The following FAM199X variants were observed in gnomAD, a reference collection of about 807,000 sequenced individuals.
FAM199X encodes protein FAM199X.
A neutral mutation model predicts 22.9 loss-of-function variants in FAM199X; 4 were observed. The observed-to-expected ratio is 0.17, with a 90% CI of 0.09 to 0.40. FAM199X has a LOEUF of 0.40. Ranked by LOEUF, FAM199X falls within the 10% of genes least tolerant of loss-of-function variation. The pLI, the probability that FAM199X is intolerant of heterozygous loss-of-function variation, is 1.00. For missense variants in FAM199X, 183 were observed against 306.8 expected (o/e 0.60, Z 3.01); for synonymous variants, 101 against 112.3 (o/e 0.90, Z 0.64).
At chrX:104,160,166 G>A in the FAM199X span, among the ~76,000 whole-genome samples, 1 of 112,017 alleles carries the variant, frequency 8.9e-6, no homozygotes, top group South Asian at 3.7e-4. Flanking sequence ...TGTAGGCAGA[G>A]CCATCGTACC....
intron 2 of FAM199X, among the ~76,000 whole-genome samples, chrX:104,178,566 C>T (rs1342331629): frequency 9.0e-6 from 1 of 111,547 alleles, no homozygotes; most frequent in African/African-American, 3.3e-5. Context: ...CAGGCATGCA[C>T]CACTGCACCT....
intron 2 of FAM199X, among the ~76,000 whole-genome samples, chrX:104,181,195 C>G (rs1921643208): frequency 8.9e-6 from 1 of 112,680 alleles, no homozygotes; most frequent in South Asian, 3.6e-4. Context: ...CTGCATTCTG[C>G]AGAAAATATG....
the FAM199X span, chrX:104,157,100 C>G: frequency 9.1e-6 from 1 of 109,638 alleles, no homozygotes; most frequent in Non-Finnish European, 1.9e-5. Flanking sequence ...GTTGGCCGGT[C>G]TGTTTGGGAG....
chrX:104,192,485 G>T lies in FAM199X; in HGVS notation c.*2707G>T, dbSNP rs375126141. The T allele has an allele frequency of 4.1e-4, 46 of 111,470 alleles. No homozygotes were observed. The highest frequency in any genetic ancestry group is 1.3e-3 in the African/African-American group (40 of 30,841). The allele number at this position is 111,470 out of a possible 1,213,427, so 9.2% of individuals were successfully genotyped here. On this transcript the variant is annotated 3_prime_UTR_variant, in exon 6 of 6. Transcript: ENST00000493442. ...CTGAGGGCGTAATACATTTCCCACA[G>T]ATTTATCCAGAAACATTTTATTAGA...
intron 1 of FAM199X, among the ~76,000 whole-genome samples, chrX:104,170,043 A>G (rs1196811487): frequency 8.9e-6 from 1 of 112,385 alleles, no homozygotes; most frequent in Non-Finnish European, 1.9e-5. Context: ...CAAAAAAGTG[A>G]ATGAATTTTT....
In FAM199X at chrX:104,193,535, A is replaced by G. The variant is rs1427324005; in HGVS notation, c.*3757A>G. 1 of 109,786 alleles carries G rather than the reference A, an allele frequency of 9.1e-6. No homozygotes were observed. Among genetic ancestry groups the G allele is most frequent in the South Asian group, 3.9e-4 (1 of 2,572 alleles). 9.0% of individuals were successfully genotyped at this position (109,786 alleles called of 1,213,427 possible). Reference sequence around the variant, plus strand: ...ACACTCCTCTTCTTTCCTTTAACAAATGAACTTTTAGCACTTCTGTCTTCA... The same window carrying G: ...ACACTCCTCTTCTTTCCTTTAACAAGTGAACTTTTAGCACTTCTGTCTTCA... On this transcript the variant is annotated 3_prime_UTR_variant, in exon 6 of 6. Transcript: ENST00000493442.
Position 104,195,465 on chromosome X carries a change from A to T in FAM199X, c.*5687A>T, listed in dbSNP as rs1443015422. 1 of 111,782 alleles carries T rather than the reference A, an allele frequency of 8.9e-6. No homozygotes were observed. Among genetic ancestry groups the T allele is most frequent in the African/African-American group, 3.2e-5 (1 of 30,781 alleles). The allele number at this position is 111,782 out of a possible 1,213,427, so 9.2% of individuals were successfully genotyped here. On this transcript the variant is annotated 3_prime_UTR_variant, in exon 6 of 6. Coordinates refer to ENST00000493442, the MANE Select transcript of FAM199X (RefSeq NM_207318.4). ...CTAGAGAGAGCAGATTTCTAGAGAG[A>T]TTAGCATTCATAGTAAGTGAAAATT...
intron 5 of FAM199X, among the ~76,000 whole-genome samples, chrX:104,188,747 A>G (rs1256588909): frequency 9.0e-6 from 1 of 111,541 alleles, no homozygotes; most frequent in Non-Finnish European, 1.9e-5. Context: ...TTAAAAATCT[A>G]ATACTTTCTA....
chrX:104,187,982 T>A, intron 4 of FAM199X, 58 bp from the exon 5 acceptor site: 7 of 1,163,489 alleles, frequency 6.0e-6, no homozygotes, highest in Non-Finnish European at 8.1e-6. Context: ...TCCCCCAGCA[T>A]TTTGAAGGTA....
chrX:104,185,062 A>ATT lies in FAM199X; in HGVS notation c.418-980_418-979dup, dbSNP rs782075983. 1.6e-3 allele frequency among the ~76,000 whole-genome samples: 125 copies of ATT among 77,915 alleles called. 1 individual carries two copies. The highest frequency in any genetic ancestry group is 4.8e-3 in the African/African-American group (90 of 18,941). The allele number at this position is 77,915 out of a possible 115,157, so 67.7% of individuals were successfully genotyped here. On this transcript the variant is annotated intron_variant, in intron 2 of 5. Coordinates refer to ENST00000493442, the MANE Select transcript of FAM199X (RefSeq NM_207318.4). ...AAATGCTGGAATTACAGGCATGATA[A>ATT]TTTTTTTTTTTTTTTTTTTTTTTTT...
rs1242951229 is a variant in FAM199X, at chrX:104,192,213, G to C, written c.*2435G>C. ...TACATTTTTTCCGTTTTAATGTCTT[G>C]TGTAGATAATTCAAAGTTTGAACTA... is the stretch of plus-strand genomic sequence containing the variant. On this transcript the variant is annotated 3_prime_UTR_variant, in exon 6 of 6. Coordinates refer to ENST00000493442, the MANE Select transcript of FAM199X (RefSeq NM_207318.4). 2 of 111,568 alleles carry C rather than the reference G, an allele frequency of 1.8e-5. No homozygotes were observed. The highest frequency in any genetic ancestry group is 3.8e-5 in the Non-Finnish European group (2 of 52,924). The allele number at this position is 111,568 out of a possible 1,213,427, so 9.2% of individuals were successfully genotyped here.
Position 104,193,509 on chromosome X carries a change from C to A in FAM199X, c.*3731C>A, listed in dbSNP as rs1921988120. 8.9e-6 allele frequency: 1 copy of A among 111,981 alleles called. No homozygotes were observed. Among genetic ancestry groups the A allele is most frequent in the African/African-American group, 3.2e-5 (1 of 30,919 alleles). The allele number at this position is 111,981 out of a possible 1,213,427, so 9.2% of individuals were successfully genotyped here. A position where few individuals can be genotyped will look rare whatever the true frequency, so the allele number is the denominator to read the frequency against. ...GAACTCATTTGTGTAATAGCTGGAA[C>A]ACACTCCTCTTCTTTCCTTTAACAA... On this transcript the variant is annotated 3_prime_UTR_variant, in exon 6 of 6. Transcript: ENST00000493442.
At chrX:104,162,419 C>T (rs1316953242), upstream of FAM199X, among the ~76,000 whole-genome samples, 4 of 111,975 alleles carry the variant, frequency 3.6e-5, no homozygotes, top group Non-Finnish European at 7.5e-5. Flanking sequence ...TGATATCACA[C>T]CATTTATTAT....
At position 104,166,966 on chromosome X, in the gene FAM199X, C is replaced by A. The variant is rs782117470; in HGVS notation, c.181C>A (p.Arg61Ser). The change falls in exon 1 of 6, where the codon CGC (arginine) becomes AGC (serine). Residue 61 changes from arginine to serine, a missense_variant. Coordinates refer to ENST00000493442, the MANE Select transcript of FAM199X (RefSeq NM_207318.4). ...CTGCCATCGCACCGACCCGCTCCAC[C>A]GCTTCCACACCAACAGGTACGAACT... ...SSCHRTDPLH[R>S]FHTNRWNLTS... The A allele has an allele frequency of 8.6e-7, 1 of 1,167,898 alleles. No individual in the cohort carries two copies. The highest frequency in any genetic ancestry group is 1.1e-6 in the Non-Finnish European group (1 of 871,842).
At chrX:104,182,621 T>A (rs977276516) in intron 2 of FAM199X, among the ~76,000 whole-genome samples, 1 of 111,635 alleles carries the variant, frequency 9.0e-6, no homozygotes, top group Non-Finnish European at 1.9e-5. Context: ...CACCTCATAC[T>A]ATGTTTTTTT....
At position 104,195,307 on chromosome X, in the gene FAM199X, A is replaced by G. The variant is rs1299618523; in HGVS notation, c.*5529A>G. On this transcript the variant is annotated 3_prime_UTR_variant, in exon 6 of 6. Coordinates refer to ENST00000493442, the MANE Select transcript of FAM199X (RefSeq NM_207318.4). ...CATGCTCTATCCCAGAATATTTACC[A>G]ACAGAGGAGAACTGCTCCCTTTTCT... is the stretch of plus-strand genomic sequence containing the variant. The G allele has an allele frequency of 3.6e-5, 4 of 111,521 alleles. No homozygotes were observed. Among genetic ancestry groups the G allele is most frequent in the Non-Finnish European group, 7.5e-5 (4 of 53,070 alleles). The allele number at this position is 111,521 out of a possible 1,213,427, so 9.2% of individuals were successfully genotyped here. A position where few individuals can be genotyped will look rare whatever the true frequency, so the allele number is the denominator to read the frequency against.
intron 2 of FAM199X, among the ~76,000 whole-genome samples, chrX:104,178,001 C>T (rs191692728): frequency 3.6e-4 from 40 of 111,599 alleles, no homozygotes; most frequent in Admixed American, 3.1e-3. Context: ...ATTTTAAAAA[C>T]CACTGTGTAA....
intron 1 of FAM199X, among the ~76,000 whole-genome samples, chrX:104,170,703 T>G (rs1921329703): frequency 9.0e-6 from 1 of 111,413 alleles, no homozygotes; most frequent in Non-Finnish European, 1.9e-5. Context: ...GAGATAGACA[T>G]GATGAACTCA....
chrX:104,171,315 C>T (rs1313651009), intron 1 of FAM199X, among the ~76,000 whole-genome samples: 3 of 110,739 alleles, frequency 2.7e-5, no homozygotes, highest in Admixed American at 9.6e-5. Context: ...AGTTAAACAC[C>T]GTGTTTCACT....
Sources: allele counts gnomAD v4.1 joint callset (sites outside exome capture counted in the v4.1 genomes callset), GRCh38; gene constraint gnomAD v4.1.1; transcripts MANE v1.5; gene names NCBI Gene and HGNC (gene_info 2026-07-23, HGNC 2026-07-21).